DIP2C: variants seen among roughly 807,000 people sequenced by gnomAD.
DIP2C encodes disco-interacting protein 2 homolog C.
A neutral mutation model predicts 192.4 loss-of-function variants in DIP2C; 33 were observed. The observed-to-expected ratio is 0.17, with a 90% CI of 0.13 to 0.23. The LOEUF (loss-of-function observed/expected upper bound fraction) is 0.23. DIP2C is among the 10% of genes least tolerant of loss of function. The pLI is 1.00. For synonymous variants in DIP2C, 979 were observed against 864.1 expected, an observed-to-expected ratio of 1.13 and a Z score of -2.33; for missense variants, 1,537 against 2,110.1, an observed-to-expected ratio of 0.73 and a Z score of 5.32.
At chr10:362,965 C>A (rs1430997051) in intron 21 of DIP2C, among the ~76,000 whole-genome samples, 1 of 152,174 alleles carries the variant, frequency 6.6e-6, no homozygotes. Context: ...AAGCTTACTT[C>A]GACCTCCCCA....
intron 1 of DIP2C, among the ~76,000 whole-genome samples, chr10:521,822 A>C (rs1322539167): frequency 2.0e-5 from 3 of 152,076 alleles, no homozygotes; most frequent in African/African-American, 7.2e-5. Context: ...ATCGGGAGGA[A>C]AGCACAGAGT....
At chr10:554,925 G>A (rs900439607) in intron 1 of DIP2C, among the ~76,000 whole-genome samples, 2 of 152,118 alleles carry the variant, frequency 1.3e-5, no homozygotes, top group African/African-American at 2.4e-5. Context: ...TGCAGGAGAT[G>A]ACCACTTCTC....
At chr10:308,004 C>CGGGG (rs1956404938) in intron 32 of DIP2C, among the ~76,000 whole-genome samples, 1 of 143,084 alleles carries the variant, frequency 7.0e-6, no homozygotes, top group African/African-American at 2.7e-5. Flanking sequence ...CTGGGCGGGG[C>CGGGG]CCAGCACATG....
intron 1 of DIP2C, among the ~76,000 whole-genome samples, chr10:548,911 CAAAAAAAAAAA>C (rs61437915): frequency 4.2e-4 from 11 of 26,462 alleles, no homozygotes; most frequent in South Asian, 2.3e-3. Context: ...TAGCAGCTCA[CAAAAAAAAAAA>C]AAAAAAAAAA....
chr10:581,041 A>AAT (rs571363257), intron 1 of DIP2C, among the ~76,000 whole-genome samples: 303 of 152,322 alleles, frequency 2.0e-3, no homozygotes, highest in Middle Eastern at 0.01. Context: ...CTGGTGAGAG[A>AAT]GACCAATGTC....
chr10:346,436 C>T (rs1958458870), intron 26 of DIP2C, among the ~76,000 whole-genome samples: 1 of 54,680 alleles, frequency 1.8e-5, no homozygotes, highest in African/African-American at 8.7e-5. Context: ...ATAGTTCTCC[C>T]GGAAACGTCA....
rs1248001261 is a variant in DIP2C at position 384,070 on chromosome 10, G to A, written c.1833C>T (p.Leu611=). The change falls in exon 16 of 37, where the codon CTC becomes CTT. Residue 611 remains leucine, a synonymous_variant. Coordinates refer to ENST00000280886, the MANE Select transcript of DIP2C (RefSeq NM_014974.3). ...VAHRDQRDIN[L]SSLRMLIVAD... ...CCACTATCAGCATTCGCAGAGAGGA[G>A]AGGTTGATGTCTCTCTGATCTCTGT... 6.2e-7 allele frequency: 1 copy of A among 1,611,398 alleles called. No individual in the cohort carries two copies. The highest frequency in any genetic ancestry group is 8.5e-7 in the Non-Finnish European group (1 of 1,179,310).
intron 1 of DIP2C, among the ~76,000 whole-genome samples, chr10:600,835 A>C (rs889545398): frequency 6.6e-6 from 1 of 152,252 alleles, no homozygotes; most frequent in Non-Finnish European, 1.5e-5. Flanking sequence ...CTCAACCATA[A>C]GAGAATCAGG....
intron 14 of DIP2C, among the ~76,000 whole-genome samples, chr10:387,027 A>C (rs562081786): frequency 2.0e-5 from 3 of 152,330 alleles, no homozygotes; most frequent in Admixed American, 1.3e-4. Context: ...CCTCAAGGGC[A>C]AATCTGGAAA....
intron 5 of DIP2C, among the ~76,000 whole-genome samples, chr10:421,229 G>A (rs72772883): frequency 6.6e-6 from 1 of 152,310 alleles, no homozygotes; most frequent in Non-Finnish European, 1.5e-5. Context: ...TGATGTACAT[G>A]AGTTATGAGC....
At chr10:349,600 A>C in intron 24 of DIP2C, 146 bp from the exon 25 acceptor site, 3 of 1,102,914 alleles carry the variant, frequency 2.7e-6, no homozygotes, top group Non-Finnish European at 3.7e-6. Flanking sequence ...CCAACATGAC[A>C]GTCAATTTTA....
intron 3 of DIP2C, among the ~76,000 whole-genome samples, chr10:465,753 CAG>C (rs1175407252): frequency 6.2e-4 from 94 of 151,680 alleles, no homozygotes; most frequent in Middle Eastern, 3.4e-3. Context: ...AGCAGACAAA[CAG>C]AGAGCCAAAT....
chr10:622,215 CAG>C (rs2131840216), intron 1 of DIP2C, among the ~76,000 whole-genome samples: 1 of 146,844 alleles, frequency 6.8e-6, no homozygotes, highest in South Asian at 2.3e-4. Context: ...CGGAAGATTC[CAG>C]AAGTCTCTTC....
rs781006228 is a variant in DIP2C at position 564,621 on chromosome 10, T to C, written c.86-78091A>G. Among the ~76,000 whole-genome samples the C allele has an allele frequency of 6.9e-5, 8 of 116,682 alleles. No individual in the cohort carries two copies. The South Asian group carries it at 7.1e-4, about 10-fold the overall frequency. The allele number at this position is 116,682 out of a possible 152,430, so 76.5% of individuals were successfully genotyped here. The stretch of plus-strand genomic sequence containing the variant: ...GCATTTTGCCTGTCTCCTTTTGACC[T>C]CTGTTTCCTCATCTCTAACATGAGG... On this transcript the variant is annotated intron_variant, in intron 1 of 36. Transcript: ENST00000280886.
At chr10:610,714 CCTGGTGGGCG>C (rs1853036747) in intron 1 of DIP2C, among the ~76,000 whole-genome samples, 1 of 151,900 alleles carries the variant, frequency 6.6e-6, no homozygotes, top group Non-Finnish European at 1.5e-5. Context: ...GGAGGTGGGC[CCTGGTGGGCG>C]GTGACTGACT....
intron 3 of DIP2C, among the ~76,000 whole-genome samples, chr10:457,082 T>C (rs973842655): frequency 1.3e-5 from 2 of 152,220 alleles, no homozygotes. Flanking sequence ...GGTTTGAGGT[T>C]ATAATCTCAA....
chr10:307,624 G>A lies in DIP2C; in HGVS notation c.3986+2407C>T, dbSNP rs572461449. Among the ~76,000 whole-genome samples, 66 of 152,286 alleles carry A rather than the reference G, an allele frequency of 4.3e-4. No homozygotes were observed. The Middle Eastern group carries it at 0.014, about 31-fold the overall frequency. On this transcript the variant is annotated intron_variant, in intron 32 of 36. Transcript: ENST00000280886. ...TAAGGGAGAAGGGGCCCAGCCAGAC[G>A]GAGGGGACCACAGACAGACCTGGTT...
chr10:457,411 T>C (rs1969391362), intron 3 of DIP2C, among the ~76,000 whole-genome samples: 1 of 152,196 alleles, frequency 6.6e-6, no homozygotes, highest in Non-Finnish European at 1.5e-5. Flanking sequence ...ATTTTTCACC[T>C]GAAATACAAC....
At chr10:394,195 AGGCAGAGCC>A (rs1430626713) in intron 10 of DIP2C, among the ~76,000 whole-genome samples, 1 of 152,270 alleles carries the variant, frequency 6.6e-6, no homozygotes, top group African/African-American at 2.4e-5. Flanking sequence ...GATGCAGAGC[AGGCAGAGCC>A]GGCACACTGG....
Sources: gnomAD v4.1 joint callset for allele counts (sites outside exome capture counted in the v4.1 genomes callset) on GRCh38, gnomAD v4.1.1 for gene constraint, MANE v1.5 for transcripts, NCBI Gene and HGNC (gene_info 2026-07-23, HGNC 2026-07-21) for gene names.